ASTN2: variants seen among roughly 807,000 people sequenced by gnomAD.
ASTN2 encodes astrotactin-2.
A neutral mutation model predicts 139.8 loss-of-function variants in ASTN2; 54 were observed. That is an observed-to-expected ratio of 0.39 (90% CI 0.31 to 0.48). The LOEUF (loss-of-function observed/expected upper bound fraction) is 0.48. Ranked by LOEUF, ASTN2 falls within the 20% of genes least tolerant of loss-of-function variation. The probability of loss-of-function intolerance (pLI) is 0.95; values close to 1 mark genes in which losing one functional copy is unlikely to be tolerated. For synonymous variants in ASTN2, 756 were observed against 719.5 expected (o/e 1.05, Z -0.81); for missense variants, 1,565 against 1,725.1 (o/e 0.91, Z 1.64).
intron 13 of ASTN2, among the ~76,000 whole-genome samples, chr9:116,781,672 A>AT (rs1026108683): frequency 6.6e-5 from 10 of 152,204 alleles, no homozygotes; most frequent in Admixed American, 5.9e-4. Flanking sequence ...AGTGTTGGAC[A>AT]TTTTTTTATA....
intron 6 of ASTN2, among the ~76,000 whole-genome samples, chr9:117,009,617 G>A (rs1349452481): frequency 2.6e-5 from 4 of 152,182 alleles, no homozygotes; most frequent in African/African-American, 9.6e-5. Flanking sequence ...TGCAGCAGCA[G>A]GAGACTTTAA....
intron 6 of ASTN2, among the ~76,000 whole-genome samples, chr9:117,011,810 G>A (rs1837546705): frequency 6.6e-6 from 1 of 152,154 alleles, no homozygotes; most frequent in African/African-American, 2.4e-5. Context: ...TGGCCAAAGT[G>A]GAACTTAAAC....
At chr9:116,731,178 GTAATAATAATAATAATAATAATAATAA>G (rs68099311) in intron 14 of ASTN2, among the ~76,000 whole-genome samples, 7 of 140,200 alleles carry the variant, frequency 5.0e-5, no homozygotes, top group African/African-American at 1.3e-4. Context: ...ATTTTTCCTG[GTAATAATAATAATAATAATAATAATAA>G]TAATAATAAT....
At chr9:117,412,134 T>C (rs2130983382) in intron 1 of ASTN2, among the ~76,000 whole-genome samples, 1 of 151,882 alleles carries the variant, frequency 6.6e-6, no homozygotes, top group South Asian at 2.1e-4. Context: ...ATCCCACGTC[T>C]CCCTACACAG....
intron 16 of ASTN2, among the ~76,000 whole-genome samples, chr9:116,710,474 T>TGATTACAG (rs1828119873): frequency 1.4e-5 from 2 of 146,762 alleles, no homozygotes; most frequent in Non-Finnish European, 3.0e-5. Context: ...CTCACGCCTG[T>TGATTACAG]AATCACAGCA....
At chr9:116,851,260 G>T (rs138770854) in intron 11 of ASTN2, among the ~76,000 whole-genome samples, 15 of 152,226 alleles carry the variant, frequency 9.9e-5, no homozygotes, top group Non-Finnish European at 1.9e-4. Flanking sequence ...TAAAAGACAG[G>T]GTCTTGGCCA....
chr9:116,456,461 A>G (rs984693422), intron 20 of ASTN2, among the ~76,000 whole-genome samples: 2 of 152,166 alleles, frequency 1.3e-5, no homozygotes, highest in African/African-American at 4.8e-5. Flanking sequence ...CTAGCAAAAT[A>G]CCAATGACAT....
chr9:116,494,909 C>A (rs1849623798), intron 19 of ASTN2, among the ~76,000 whole-genome samples: 1 of 152,178 alleles, frequency 6.6e-6, no homozygotes. Context: ...CCTTGTGTTA[C>A]TGGTGTCCAG....
intron 1 of ASTN2, among the ~76,000 whole-genome samples, chr9:117,413,221 C>G (rs1167339958): frequency 6.6e-6 from 1 of 152,248 alleles, no homozygotes; most frequent in Non-Finnish European, 1.5e-5. Context: ...TCAGGGCTAC[C>G]AGGAGAGTGG....
chr9:117,313,583 T>A lies in ASTN2; in HGVS notation c.443-22070A>T, dbSNP rs544649742. 2.0e-5 allele frequency among the ~76,000 whole-genome samples: 3 copies of A among 152,166 alleles called. No homozygotes were observed. The East Asian group carries it at 5.8e-4, about 29-fold the overall frequency. On this transcript the variant is annotated intron_variant, in intron 1 of 22. Coordinates refer to ENST00000313400, the MANE Select transcript of ASTN2 (RefSeq NM_001365068.1). ...GAAGAATGGACAGGTGTTTACCAAG[T>A]GAAGTGGGGAAAAGCTTTTCAGGCA...
intron 10 of ASTN2, among the ~76,000 whole-genome samples, chr9:116,944,059 G>A (rs1023581546): frequency 1.1e-4 from 16 of 151,694 alleles, no homozygotes; most frequent in Non-Finnish European, 2.1e-4. Flanking sequence ...TACTGTTCTC[G>A]GTGCTTTTAT....
chr9:117,013,471 T>C (rs945918295), intron 6 of ASTN2, among the ~76,000 whole-genome samples: 1 of 40,848 alleles, frequency 2.4e-5, no homozygotes, highest in African/African-American at 4.6e-5. Context: ...TTTTTAAATA[T>C]ATATATATAT....
chr9:117,164,083 TCATG>T (rs10563305), intron 3 of ASTN2, among the ~76,000 whole-genome samples: 17,089 of 152,110 alleles, frequency 0.11, 1,034 homozygotes, highest in East Asian at 0.18. Flanking sequence ...ACAATTGGTT[TCATG>T]CATAAAGATC....
chr9:117,141,668 A>T (rs1275813981), intron 3 of ASTN2, among the ~76,000 whole-genome samples, 190 bp from the exon 4 acceptor site: 1 of 152,192 alleles, frequency 6.6e-6, no homozygotes, highest in East Asian at 1.9e-4. Flanking sequence ...CTAACTGCAG[A>T]TGTATCTGTT....
chr9:117,223,857 A>T (rs1252316148), intron 2 of ASTN2, among the ~76,000 whole-genome samples: 1 of 152,192 alleles, frequency 6.6e-6, no homozygotes, highest in Non-Finnish European at 1.5e-5. Flanking sequence ...AAGTCCCATT[A>T]TATAAAAAGA....
chr9:116,850,307 C>G (rs1474517504), intron 11 of ASTN2, among the ~76,000 whole-genome samples: 1 of 152,156 alleles, frequency 6.6e-6, no homozygotes, highest in African/African-American at 2.4e-5. Flanking sequence ...ACATCATCCC[C>G]CTTAACTTTC....
chr9:116,978,497 A>G (rs150033940), intron 7 of ASTN2, among the ~76,000 whole-genome samples: 20 of 101,388 alleles, frequency 2.0e-4, no homozygotes, highest in African/African-American at 2.9e-4. Context: ...TCTCTCACGC[A>G]CACACACACA....
At chr9:116,825,722 C>A (rs949663809) in intron 11 of ASTN2, among the ~76,000 whole-genome samples, 1 of 152,206 alleles carries the variant, frequency 6.6e-6, no homozygotes, top group African/African-American at 2.4e-5. Flanking sequence ...TGGGGTTTTA[C>A]ACCTTGGCTG....
At chr9:116,980,614 A>G (rs1055934897) in intron 7 of ASTN2, among the ~76,000 whole-genome samples, 14 of 152,092 alleles carry the variant, frequency 9.2e-5, no homozygotes, top group African/African-American at 3.4e-4. Context: ...TGCTGTTTGC[A>G]TTGCCTTTCC....
Sources: allele counts gnomAD v4.1 joint callset (sites outside exome capture counted in the v4.1 genomes callset), GRCh38; gene constraint gnomAD v4.1.1; transcripts MANE v1.5; gene names NCBI Gene and HGNC (gene_info 2026-07-23, HGNC 2026-07-21).